The following SLC22A2 variants were observed in gnomAD, a reference collection of about 807,000 sequenced individuals.
The protein encoded by SLC22A2 is organic cation transporter 2.
SLC22A2 carries 46 observed loss-of-function variants against 60.5 expected under a neutral mutation model. The ratio of observed to expected loss-of-function variants is 0.76; its 90% CI spans 0.60 to 0.97. The LOEUF is 0.97. Among genes scored for constraint, SLC22A2 ranks in the 50% least tolerant of loss-of-function variants. The probability of loss-of-function intolerance (pLI) is 0.00; values close to 1 mark genes in which losing one functional copy is unlikely to be tolerated. For synonymous variants in SLC22A2, 303 were observed against 267.0 expected, an observed-to-expected ratio of 1.13 and a Z score of -1.31; for missense variants, 701 against 706.6, an observed-to-expected ratio of 0.99 and a Z score of 0.09.
intron 10 of SLC22A2, chr6:160,217,765 T>C (rs1303441960): frequency 9.4e-6 from 3 of 318,572 alleles, no homozygotes; most frequent in Non-Finnish European, 1.7e-5. Flanking sequence ...TTCACCTTTC[T>C]CTGTAATAGA....
chr6:160,258,018 C>G (rs1170274699), intron 1 of SLC22A2: 3 of 275,126 alleles, frequency 1.1e-5, no homozygotes, highest in African/African-American at 4.4e-5. Flanking sequence ...GGTAAGGCTT[C>G]CAGAAAAAGA....
chr6:160,223,475 A>G (rs569995093), intron 10 of SLC22A2, among the ~76,000 whole-genome samples: 2 of 152,334 alleles, frequency 1.3e-5, no homozygotes, highest in South Asian at 4.1e-4. Context: ...TTAGCAATAT[A>G]TCTTGGAGAA....
intron 9 of SLC22A2, among the ~76,000 whole-genome samples, chr6:160,235,005 GAT>G (rs1782888213): frequency 6.6e-6 from 1 of 152,190 alleles, no homozygotes; most frequent in Non-Finnish European, 1.5e-5. Flanking sequence ...CAGGTAATAA[GAT>G]ATTTAAAAGG....
chr6:160,250,505 G>A lies in SLC22A2; in HGVS notation c.673+43C>T, dbSNP rs181440488. 4.1e-5 allele frequency: 66 copies of A among 1,606,466 alleles called. No individual in the cohort carries two copies. In the Admixed American group the frequency reaches 9.2e-4, roughly 22 times the overall value. The stretch of plus-strand genomic sequence containing the variant: ...CCCCACCTGACTCTATTTTGGCAGC[G>A]AGGTTGCTTTGTTCTCACAGTTGCA... On this transcript the variant is annotated intron_variant, in intron 3 of 10. Transcript: ENST00000366953.
chr6:160,222,715 A>G (rs527362712), intron 10 of SLC22A2, among the ~76,000 whole-genome samples: 2 of 152,340 alleles, frequency 1.3e-5, no homozygotes, highest in South Asian at 2.1e-4. Context: ...AGATCATACA[A>G]TGTACCAAAG....
chr6:160,244,554 C>A (rs1783061230), intron 6 of SLC22A2: 1 of 152,124 alleles, frequency 6.6e-6, no homozygotes, highest in South Asian at 2.1e-4. Flanking sequence ...TCTCTCCTGG[C>A]CTGTTACGAA....
chr6:160,233,454 A>G (rs1156268716), intron 9 of SLC22A2, among the ~76,000 whole-genome samples: 1 of 151,816 alleles, frequency 6.6e-6, no homozygotes, highest in Non-Finnish European at 1.5e-5. Flanking sequence ...TGGTCTTTTA[A>G]AAACACACCT....
chr6:160,244,093 T>TA, intron 6 of SLC22A2: 1 of 262,340 alleles, frequency 3.8e-6, no homozygotes, highest in Non-Finnish European at 7.4e-6. Context: ...TTATTTTATT[T>TA]ATTTATTTTT....
chr6:160,231,672 C>T (rs1376129050), intron 9 of SLC22A2, among the ~76,000 whole-genome samples: 6 of 151,818 alleles, frequency 4.0e-5, no homozygotes, highest in Admixed American at 6.5e-5. Flanking sequence ...CTATCCACCC[C>T]GAGGTGCCAA....
At chr6:160,232,622 G>A (rs147489642) in intron 9 of SLC22A2, among the ~76,000 whole-genome samples, 18 of 151,716 alleles carry the variant, frequency 1.2e-4, no homozygotes, top group Non-Finnish European at 2.1e-4. Flanking sequence ...GGAAGCTGGA[G>A]TCATTCACTG....
At position 160,258,651 on chromosome 6, in the gene SLC22A2, A is replaced by T; in HGVS notation, c.107T>A (p.Ile36Asn). 6.2e-7 allele frequency: 1 copy of T among 1,613,836 alleles called. No homozygotes were observed. Among genetic ancestry groups the T allele is most frequent in the Non-Finnish European group, 8.5e-7 (1 of 1,179,922 alleles). ...GCCCAGGAAGACGATGCCCACGTAGATGGGCGCGAAGGTAGCCGAGAGCAG... is the reference window on the plus strand; with the variant it reads ...GCCCAGGAAGACGATGCCCACGTAGTTGGGCGCGAAGGTAGCCGAGAGCAG... ...LALLSATFAP[I>N]YVGIVFLGFT... Residue 36 changes from isoleucine (I) to asparagine (N), a missense_variant, in exon 1 of 11, where the codon ATC becomes AAC. Coordinates refer to ENST00000366953, the MANE Select transcript of SLC22A2 (RefSeq NM_003058.4).
At chr6:160,254,421 T>C (rs1437729376) in intron 2 of SLC22A2, among the ~76,000 whole-genome samples, 1 of 152,208 alleles carries the variant, frequency 6.6e-6, no homozygotes, top group East Asian at 1.9e-4. Context: ...TATACTTGGG[T>C]CCACTCTTAG....
intron 2 of SLC22A2, among the ~76,000 whole-genome samples, chr6:160,251,327 T>A (rs1181246404): frequency 1.3e-5 from 2 of 152,138 alleles, no homozygotes; most frequent in Non-Finnish European, 2.9e-5. Context: ...TGTCCCAGTA[T>A]ATGGAATAGA....
intron 10 of SLC22A2, among the ~76,000 whole-genome samples, chr6:160,219,105 A>AGC (rs1782598652): frequency 5.0e-3 from 1 of 202 alleles, no homozygotes; most frequent in African/African-American, 0.016. Context: ...ACAGCAACAG[A>AGC]AGCAATAACA....
At chr6:160,241,993 C>G (rs1783016469) in intron 8 of SLC22A2, among the ~76,000 whole-genome samples, 1 of 151,678 alleles carries the variant, frequency 6.6e-6, no homozygotes, top group Admixed American at 6.6e-5. Flanking sequence ...CTTCCATCAC[C>G]TGGCTTCCCT....
chr6:160,236,210 A>G (rs2114859173), intron 9 of SLC22A2, among the ~76,000 whole-genome samples: 1 of 152,336 alleles, frequency 6.6e-6, no homozygotes, highest in Non-Finnish European at 1.5e-5. Flanking sequence ...AGATTGTGAC[A>G]TTAGAATAGA....
chr6:160,239,464 G>T (rs1782964379), intron 9 of SLC22A2, among the ~76,000 whole-genome samples: 1 of 152,070 alleles, frequency 6.6e-6, no homozygotes, highest in South Asian at 2.1e-4. Context: ...ATTCTTTCTT[G>T]TGCAAGATCC....
rs755279374 is a variant in SLC22A2 at position 160,224,664 on chromosome 6, AC to A, written c.1601+40del. 9 of 1,340,958 alleles carry A rather than the reference AC, an allele frequency of 6.7e-6. No homozygotes were observed. The East Asian group carries it at 1.9e-4, about 28-fold the overall frequency. The allele number at this position is 1,340,958 out of a possible 1,614,324, so 83.1% of individuals were successfully genotyped here. A position where few individuals can be genotyped will look rare whatever the true frequency, so the allele number is the denominator to read the frequency against. On this transcript the variant is annotated intron_variant, in intron 10 of 10. Transcript: ENST00000366953. Reference sequence around the variant, plus strand: ...CAAATGGCTATAGGGTTGTCTTAAAACCTTTATAGAACAATTCATTTAGAAC... The same window carrying A: ...CAAATGGCTATAGGGTTGTCTTAAAACTTTATAGAACAATTCATTTAGAAC...
chr6:160,226,487 G>A (rs986856109), intron 9 of SLC22A2, among the ~76,000 whole-genome samples: 5 of 152,100 alleles, frequency 3.3e-5, no homozygotes, highest in East Asian at 1.9e-4. Context: ...AGTCAAATGC[G>A]GCCAACTGTT....
Sources: allele counts gnomAD v4.1 joint callset (sites outside exome capture counted in the v4.1 genomes callset), GRCh38; gene constraint gnomAD v4.1.1; transcripts MANE v1.5; gene names NCBI Gene and HGNC (gene_info 2026-07-23, HGNC 2026-07-21).